IMMP2L: variants seen among roughly 807,000 people sequenced by gnomAD.
IMMP2L encodes the protein mitochondrial inner membrane protease subunit 2.
Under a neutral mutation model 19.3 loss-of-function variants are expected in IMMP2L, and 18 were observed. The ratio of observed to expected loss-of-function variants is 0.93; its 90% confidence interval spans 0.64 to 1.38. The LOEUF is 1.38. Among genes scored for constraint, IMMP2L ranks in the 40% most tolerant of loss-of-function variants. IMMP2L has a pLI of 0.00. For missense variants in IMMP2L, 233 were observed against 218.2 expected, an observed-to-expected ratio of 1.07 and a Z score of -0.43; for synonymous variants, 76 against 73.0, an observed-to-expected ratio of 1.04 and a Z score of -0.21.
At chr7:111,474,676 C>G (rs980864266) in intron 3 of IMMP2L, among the ~76,000 whole-genome samples, 1 of 152,144 alleles carries the variant, frequency 6.6e-6, no homozygotes. Context: ...AACTGATTTC[C>G]CCCCTTGATT....
At chr7:110,755,558 C>T (rs1386845368) in intron 5 of IMMP2L, among the ~76,000 whole-genome samples, 1 of 152,216 alleles carries the variant, frequency 6.6e-6, no homozygotes, top group East Asian at 1.9e-4. Flanking sequence ...GAGCACTGTA[C>T]AAGGCATAGG....
At chr7:110,672,144 C>T (rs977904359) in intron 5 of IMMP2L, among the ~76,000 whole-genome samples, 3 of 152,062 alleles carry the variant, frequency 2.0e-5, no homozygotes, top group Non-Finnish European at 4.4e-5. Context: ...AATTGACTCA[C>T]AGTTACTGTG....
intron 3 of IMMP2L, among the ~76,000 whole-genome samples, chr7:111,325,158 T>C (rs897770611): frequency 3.3e-5 from 5 of 151,784 alleles, no homozygotes; most frequent in African/African-American, 1.2e-4. Flanking sequence ...TATAAGATTT[T>C]AGTTACAAAA....
intron 5 of IMMP2L, among the ~76,000 whole-genome samples, chr7:110,832,965 T>C (rs953438217): frequency 6.6e-6 from 1 of 152,216 alleles, no homozygotes; most frequent in African/African-American, 2.4e-5. Context: ...TGTTTTCCTC[T>C]GGGAACTCTA....
intron 3 of IMMP2L, among the ~76,000 whole-genome samples, chr7:111,286,226 T>C (rs1161014961): frequency 6.6e-6 from 1 of 152,162 alleles, no homozygotes; most frequent in East Asian, 1.9e-4. Context: ...AACCAACAGT[T>C]AGAAGATTCT....
intron 3 of IMMP2L, among the ~76,000 whole-genome samples, chr7:111,332,545 A>C (rs1825981834): frequency 6.6e-6 from 1 of 151,996 alleles, no homozygotes; most frequent in South Asian, 2.1e-4. Context: ...AAACTATAAG[A>C]GATGCCAGAA....
At chr7:111,403,973 C>A (rs945677383) in intron 3 of IMMP2L, among the ~76,000 whole-genome samples, 1 of 151,920 alleles carries the variant, frequency 6.6e-6, no homozygotes, top group Non-Finnish European at 1.5e-5. Context: ...CTTGGAACAA[C>A]CCCCCCACAA....
At chr7:111,471,011 G>T (rs1841211216) in intron 3 of IMMP2L, among the ~76,000 whole-genome samples, 1 of 151,996 alleles carries the variant, frequency 6.6e-6, no homozygotes, top group Non-Finnish European at 1.5e-5. Flanking sequence ...CAAGGAGGAA[G>T]AATTCATACT....
chr7:110,704,833 T>G (rs1794537333), intron 5 of IMMP2L, among the ~76,000 whole-genome samples: 1 of 152,220 alleles, frequency 6.6e-6, no homozygotes, highest in African/African-American at 2.4e-5. Flanking sequence ...AGACTCTTTC[T>G]TCATCCTGTT....
At chr7:111,419,773 G>C (rs184475944) in intron 3 of IMMP2L, among the ~76,000 whole-genome samples, 6 of 151,304 alleles carry the variant, frequency 4.0e-5, no homozygotes, top group African/African-American at 1.2e-4. Flanking sequence ...CTCAGCCTTG[G>C]CAAAATAAAC....
At chr7:111,134,413 T>A (rs1651299205) in intron 3 of IMMP2L, among the ~76,000 whole-genome samples, 1 of 152,034 alleles carries the variant, frequency 6.6e-6, no homozygotes, top group Admixed American at 6.5e-5. Context: ...ATATTTTCTA[T>A]AGTTTCTTAT....
At position 110,945,262 on chromosome 7, in the gene IMMP2L, A is replaced by G. The variant is rs115203820; in HGVS notation, c.305+18238T>C. On this transcript the variant is annotated intron_variant, in intron 4 of 5. Coordinates refer to ENST00000405709, the MANE Select transcript of IMMP2L (RefSeq NM_032549.4). ...AACATTTTTTAAAAAGCAGGAATGCATAATAAGATTAACATTTTTAAAAAA... is the reference window on the plus strand; with the variant it reads ...AACATTTTTTAAAAAGCAGGAATGCGTAATAAGATTAACATTTTTAAAAAA... Among the ~76,000 whole-genome samples the G allele has an allele frequency of 5.3e-4, 80 of 152,120 alleles. 2 individuals carry two copies. Among genetic ancestry groups the G allele is most frequent in the African/African-American group, 1.8e-3 (76 of 41,564 alleles).
intron 3 of IMMP2L, among the ~76,000 whole-genome samples, chr7:111,231,859 T>C (rs577877992): frequency 2.1e-4 from 32 of 152,158 alleles, no homozygotes; most frequent in South Asian, 1.4e-3. Flanking sequence ...GAATATCATA[T>C]GATACAACTG....
At position 111,442,962 on chromosome 7, in the gene IMMP2L, T is replaced by A. The variant is rs186554646; in HGVS notation, c.239+44276A>T. 1.7e-4 allele frequency among the ~76,000 whole-genome samples: 26 copies of A among 152,002 alleles called. 1 individual carries two copies. Among genetic ancestry groups the A allele is most frequent in the Admixed American group, 1.5e-3 (23 of 15,272 alleles). On this transcript the variant is annotated intron_variant, in intron 3 of 5. Coordinates refer to ENST00000405709, the MANE Select transcript of IMMP2L (RefSeq NM_032549.4). ...TATGTTGACAGGGATAACACCAAAG[T>A]GGAACACAGGCCTCATACAACCATC...
chr7:110,717,176 C>T (rs931473022), intron 5 of IMMP2L, among the ~76,000 whole-genome samples: 3 of 152,116 alleles, frequency 2.0e-5, no homozygotes, highest in East Asian at 3.9e-4. Context: ...TATAAAGGCT[C>T]AGTTTAAAAC....
At chr7:110,916,205 T>A (rs2129549527) in intron 4 of IMMP2L, among the ~76,000 whole-genome samples, 1 of 152,340 alleles carries the variant, frequency 6.6e-6, no homozygotes, top group South Asian at 2.1e-4. Flanking sequence ...ACTGTGATGA[T>A]ATTGGTAGTT....
At chr7:111,481,175 T>C (rs1842153292) in intron 3 of IMMP2L, among the ~76,000 whole-genome samples, 1 of 152,122 alleles carries the variant, frequency 6.6e-6, no homozygotes, top group South Asian at 2.1e-4. Flanking sequence ...GTAATATTGC[T>C]ATTAATGAAG....
At chr7:111,039,820 C>A (rs1017010442) in intron 3 of IMMP2L, among the ~76,000 whole-genome samples, 2 of 152,048 alleles carry the variant, frequency 1.3e-5, no homozygotes, top group Non-Finnish European at 2.9e-5. Flanking sequence ...AATTGGCTAC[C>A]ACTGCATTGC....
chr7:110,841,175 T>C (rs1389147945), intron 5 of IMMP2L, among the ~76,000 whole-genome samples: 1 of 152,028 alleles, frequency 6.6e-6, no homozygotes, highest in Non-Finnish European at 1.5e-5. Context: ...TCCTTTTTTA[T>C]TGTATACATT....
Sources: gnomAD v4.1 joint callset for allele counts (sites outside exome capture counted in the v4.1 genomes callset) on GRCh38, gnomAD v4.1.1 for gene constraint, MANE v1.5 for transcripts, NCBI Gene and HGNC (gene_info 2026-07-23, HGNC 2026-07-21) for gene names.